The following MTUS2 variants were observed in gnomAD, a reference collection of about 807,000 sequenced individuals.
MTUS2 encodes microtubule associated scaffold protein 2.
In MTUS2, 40 loss-of-function variants were observed where a neutral mutation model predicts 114.1. That is an observed-to-expected ratio of 0.35 (90% confidence interval 0.27 to 0.46). The LOEUF (loss-of-function observed/expected upper bound fraction) is 0.46. MTUS2 is among the 20% of genes least tolerant of loss of function. The probability of loss-of-function intolerance (pLI) is 1.00; values close to 1 mark genes in which losing one functional copy is unlikely to be tolerated. For missense variants in MTUS2, 1,679 were observed against 1,705.4 expected, an observed-to-expected ratio of 0.98 and a Z score of 0.27; for synonymous variants, 688 against 672.0, an observed-to-expected ratio of 1.02 and a Z score of -0.37.
At chr13:29,338,097 C>G (rs889392843) in intron 7 of MTUS2, among the ~76,000 whole-genome samples, 2 of 151,754 alleles carry the variant, frequency 1.3e-5, no homozygotes, top group Non-Finnish European at 2.9e-5. Flanking sequence ...TGGCCATGAC[C>G]GGACCATCTT....
At chr13:29,381,108 G>T (rs1872170043) in intron 8 of MTUS2, among the ~76,000 whole-genome samples, 1 of 152,152 alleles carries the variant, frequency 6.6e-6, no homozygotes, top group African/African-American at 2.4e-5. Context: ...AGCTGCCTAG[G>T]ATCCTTTCTG....
chr13:29,254,755 T>C (rs1897240351), intron 5 of MTUS2, among the ~76,000 whole-genome samples: 1 of 152,224 alleles, frequency 6.6e-6, no homozygotes, highest in African/African-American at 2.4e-5. Context: ...GAGGAGCACT[T>C]CACAGAAACA....
At chr13:29,377,555 T>C (rs1226624365) in intron 8 of MTUS2, among the ~76,000 whole-genome samples, 2 of 152,238 alleles carry the variant, frequency 1.3e-5, no homozygotes, top group African/African-American at 2.4e-5. Context: ...TGAGGAAAAT[T>C]AGAAAATATT....
chr13:29,355,181 T>G (rs557367242), intron 7 of MTUS2, among the ~76,000 whole-genome samples: 1 of 152,356 alleles, frequency 6.6e-6, no homozygotes, highest in South Asian at 2.1e-4. Context: ...TTTCTTTCCA[T>G]TTTCAAGGGC....
intron 5 of MTUS2, among the ~76,000 whole-genome samples, chr13:29,214,028 A>G (rs779766300): frequency 1.9e-4 from 28 of 150,952 alleles, no homozygotes; most frequent in Admixed American, 3.3e-4. Context: ...GTATGTTTTT[A>G]TCCTTTAACT....
chr13:29,467,625 G>A (rs1260261220), intron 9 of MTUS2, among the ~76,000 whole-genome samples: 5 of 151,784 alleles, frequency 3.3e-5, no homozygotes, highest in African/African-American at 1.2e-4. Flanking sequence ...CACTTGGACA[G>A]CATTTTTTTT....
chr13:29,154,897 G>T (rs1180317849), intron 5 of MTUS2, among the ~76,000 whole-genome samples: 1 of 152,180 alleles, frequency 6.6e-6, no homozygotes, highest in Admixed American at 6.5e-5. Flanking sequence ...AAAAAAGAGA[G>T]TAAAGTAGCT....
At chr13:29,371,079 T>TTG (rs1447672786) in intron 8 of MTUS2, among the ~76,000 whole-genome samples, 3 of 152,238 alleles carry the variant, frequency 2.0e-5, no homozygotes, top group African/African-American at 7.2e-5. Flanking sequence ...AGAGTCCTGT[T>TTG]TCTTCAACCT....
chr13:29,428,681 G>T lies in MTUS2; in HGVS notation c.3118-11302G>T. ...CCTCCTCTCATTCCTCTGCCTCCTG[G>T]ATTCCTGAAGTTTAGGAGAAATAAG... On this transcript the variant is annotated intron_variant, in intron 8 of 15. Transcript: ENST00000612955. 4.8e-6 allele frequency: 6 copies of T among 1,256,240 alleles called. No individual in the cohort carries two copies. The South Asian group carries it at 9.1e-5, about 19-fold the overall frequency. 77.8% of individuals were successfully genotyped at this position (1,256,240 alleles called of 1,614,324 possible). A position where few individuals can be genotyped will look rare whatever the true frequency, so the allele number is the denominator to read the frequency against.
chr13:29,304,270 A>T (rs1454200855), intron 6 of MTUS2, among the ~76,000 whole-genome samples: 1 of 152,174 alleles, frequency 6.6e-6, no homozygotes, highest in East Asian at 1.9e-4. Flanking sequence ...TGATGACAGG[A>T]TCAAATTTAC....
intron 2 of MTUS2, among the ~76,000 whole-genome samples, chr13:28,988,421 G>A (rs969090700): frequency 1.3e-5 from 2 of 152,176 alleles, no homozygotes; most frequent in African/African-American, 4.8e-5. Context: ...GTGTTGTAAA[G>A]CAAAAGAGTC....
chr13:29,056,418 C>T (rs1422810172), intron 4 of MTUS2, among the ~76,000 whole-genome samples: 1 of 151,898 alleles, frequency 6.6e-6, no homozygotes, highest in Non-Finnish European at 1.5e-5. Context: ...GAAATGATAC[C>T]AATTCTTATT....
chr13:29,045,432 T>G (rs545413171), intron 4 of MTUS2, among the ~76,000 whole-genome samples: 4 of 152,178 alleles, frequency 2.6e-5, no homozygotes, highest in Non-Finnish European at 5.9e-5. Flanking sequence ...TAATCACCTC[T>G]CAAAGGCCCC....
Position 29,025,670 on chromosome 13 carries a change from A to G in MTUS2, c.972A>G (p.Gly324=). 1 of 1,614,060 alleles carries G rather than the reference A, an allele frequency of 6.2e-7. No individual in the cohort carries two copies. Among genetic ancestry groups the G allele is most frequent in the Non-Finnish European group, 8.5e-7 (1 of 1,179,898 alleles). ...YVPPRRVEQE[G]KAAQEGYLGC... is the part of the protein sequence containing the mutation. ...CTCCCAGGAGAGTTGAACAGGAGGG[A>G]AAGGCAGCCCAGGAAGGGTATCTGG... The change falls in exon 3 of 16, where the codon GGA becomes GGG. Residue 324 remains glycine, a synonymous_variant. Coordinates refer to ENST00000612955, the MANE Select transcript of MTUS2 (RefSeq NM_001033602.4).
At position 29,120,434 on chromosome 13, in the gene MTUS2, A is replaced by C. The variant is rs75195171; in HGVS notation, c.2644+19464A>C. On this transcript the variant is annotated intron_variant, in intron 5 of 15. Transcript: ENST00000612955. The stretch of plus-strand genomic sequence containing the variant: ...TCAGAACAGTATTATGCATGAGACT[A>C]TTTTTATACTTGTATATTAAAATAT... Among the ~76,000 whole-genome samples, 1,381 of 152,156 alleles carry C rather than the reference A, an allele frequency of 9.1e-3. 15 individuals are homozygous for C. The highest frequency in any genetic ancestry group is 0.031 in the African/African-American group (1,305 of 41,548).
Position 29,504,987 on chromosome 13 carries a change from C to T in MTUS2, c.*1781C>T, listed in dbSNP as rs569800306. The T allele has an allele frequency of 2.6e-5, 6 of 232,576 alleles. No homozygotes were observed. The highest frequency in any genetic ancestry group is 3.6e-4 in the South Asian group (2 of 5,520). 14.4% of individuals were successfully genotyped at this position (232,576 alleles called of 1,614,324 possible). On this transcript the variant is annotated 3_prime_UTR_variant, in exon 16 of 16. Transcript: ENST00000612955. ...CTAGGATGAGTCCACGCTGGGCTTC[C>T]GGGCCTCAGGTGCATCTCCAGCCAA...
At chr13:29,258,517 G>A (rs562801350) in intron 5 of MTUS2, among the ~76,000 whole-genome samples, 59 of 152,294 alleles carry the variant, frequency 3.9e-4, no homozygotes, top group Admixed American at 2.0e-3. Flanking sequence ...ATTCTGCAGG[G>A]TGTGTCCACC....
intron 8 of MTUS2, among the ~76,000 whole-genome samples, chr13:29,407,877 A>C (rs1452885206): frequency 6.6e-6 from 1 of 152,154 alleles, no homozygotes; most frequent in East Asian, 1.9e-4. Context: ...AACTTTTGCC[A>C]ATCTGTTGGT....
chr13:29,094,319 T>C (rs9579283), intron 4 of MTUS2, among the ~76,000 whole-genome samples: 1 of 144,636 alleles, frequency 6.9e-6, no homozygotes, highest in African/African-American at 2.5e-5. Flanking sequence ...TAATGACATC[T>C]GTGCCTGGAT....
Sources: gnomAD v4.1 joint callset for allele counts (sites outside exome capture counted in the v4.1 genomes callset) on GRCh38, gnomAD v4.1.1 for gene constraint, MANE v1.5 for transcripts, NCBI Gene and HGNC (gene_info 2026-07-23, HGNC 2026-07-21) for gene names.